DMXL2: variants seen among roughly 807,000 people sequenced by gnomAD.
DMXL2 encodes the protein dmX-like protein 2.
A neutral mutation model predicts 331.1 loss-of-function variants in DMXL2; 103 were observed. The observed-to-expected ratio is 0.31, with a 90% CI of 0.27 to 0.37. The LOEUF (loss-of-function observed/expected upper bound fraction) is 0.37. Among genes scored for constraint, DMXL2 ranks in the 10% least tolerant of loss-of-function variants. The pLI, the probability that DMXL2 is intolerant of heterozygous loss-of-function variation, is 1.00. For synonymous variants in DMXL2, 1,281 were observed against 1,252.1 expected (o/e 1.02, Z -0.49); for missense variants, 3,171 against 3,642.9 (o/e 0.87, Z 3.33).
chr15:51,450,006 C>A (rs545046811), intron 43 of DMXL2, 123 bp downstream of exon 43: 2 of 818,012 alleles, frequency 2.4e-6, no homozygotes, highest in South Asian at 3.5e-5. Flanking sequence ...TTGAGATATG[C>A]AGTATCTCCA....
rs1450076244 is a variant in DMXL2, at chr15:51,576,220, G to C, written c.88-39C>G. 8 of 1,159,756 alleles carry C rather than the reference G, an allele frequency of 6.9e-6. No individual in the cohort carries two copies. The East Asian group carries it at 2.8e-4, about 41-fold the overall frequency. 71.8% of individuals were successfully genotyped at this position (1,159,756 alleles called of 1,614,324 possible). On this transcript the variant is annotated intron_variant, in intron 1 of 43. Transcript: ENST00000560891. ...AAAAAAAAAGTTTTACAATACATAA[G>C]ATATGTAACTTTTGAAATCTTATTA...
At chr15:51,521,877 A>G (rs1006833420) in intron 13 of DMXL2, among the ~76,000 whole-genome samples, 4 of 152,232 alleles carry the variant, frequency 2.6e-5, no homozygotes, top group Non-Finnish European at 5.9e-5. Flanking sequence ...CTCAATAAAA[A>G]TTAAAGATTG....
At chr15:51,565,351 A>G (rs2050202867) in intron 3 of DMXL2, among the ~76,000 whole-genome samples, 185 bp from the exon 4 acceptor site, 1 of 152,134 alleles carries the variant, frequency 6.6e-6, no homozygotes, top group Non-Finnish European at 1.5e-5. Context: ...TTCCACTACT[A>G]TTTATTATAC....
In DMXL2 at chr15:51,491,271, T is replaced by C. The variant is rs558993813; in HGVS notation, c.4953+307A>G. Reference sequence around the variant, plus strand: ...TCCTGGCCAACATGGTGAAACCCTGTCTCTACTAAAAATACAAAAATTAGC... The same window carrying C: ...TCCTGGCCAACATGGTGAAACCCTGCCTCTACTAAAAATACAAAAATTAGC... On this transcript the variant is annotated intron_variant, in intron 20 of 43. Coordinates refer to ENST00000560891, the MANE Select transcript of DMXL2 (RefSeq NM_001378457.1). Among the ~76,000 whole-genome samples the C allele has an allele frequency of 2.6e-3, 398 of 152,256 alleles. 1 individual carries two copies. The highest frequency in any genetic ancestry group is 9.4e-3 in the African/African-American group (390 of 41,556).
intron 13 of DMXL2, among the ~76,000 whole-genome samples, chr15:51,526,138 G>T (rs1278749275): frequency 1.2e-4 from 16 of 135,624 alleles, no homozygotes; most frequent in Non-Finnish European, 1.7e-4. Flanking sequence ...AGGAGAGAGA[G>T]GGAGAGAGAG....
intron 7 of DMXL2, 117 bp from the exon 8 acceptor site, chr15:51,545,883 GAATC>G (rs1181760403): frequency 3.9e-6 from 3 of 765,538 alleles, no homozygotes; most frequent in African/African-American, 1.8e-5. Context: ...TGGAAAAAAG[GAATC>G]AATCAAAGAG....
chr15:51,606,892 C>A (rs1385252889), intron 1 of DMXL2, among the ~76,000 whole-genome samples: 2 of 152,226 alleles, frequency 1.3e-5, no homozygotes, highest in African/African-American at 4.8e-5. Flanking sequence ...GGCAAGGTGG[C>A]TCAGGCCTGT....
chr15:51,546,299 T>C (rs2048886228), intron 7 of DMXL2, among the ~76,000 whole-genome samples: 1 of 152,114 alleles, frequency 6.6e-6, no homozygotes, highest in African/African-American at 2.4e-5. Context: ...ACTTACCTGT[T>C]TGTTACAAAG....
intron 2 of DMXL2, 109 bp downstream of exon 2, chr15:51,575,947 A>T (rs1417021280): frequency 1.8e-6 from 2 of 1,125,608 alleles, no homozygotes; most frequent in Non-Finnish European, 2.6e-6. Flanking sequence ...TAATCACCCA[A>T]GCAATACATA....
chr15:51,533,719 A>G (rs978688976), intron 13 of DMXL2, among the ~76,000 whole-genome samples: 3 of 152,206 alleles, frequency 2.0e-5, no homozygotes, highest in African/African-American at 7.2e-5. Flanking sequence ...TTATTTCAGC[A>G]AAGTATATGG....
At chr15:51,541,214 A>T (rs552242042) in intron 9 of DMXL2, among the ~76,000 whole-genome samples, 28 of 152,298 alleles carry the variant, frequency 1.8e-4, no homozygotes, top group African/African-American at 6.7e-4. Flanking sequence ...AGCACTGCCC[A>T]ACAGAAATAT....
At chr15:51,596,338 C>G (rs937183493) in intron 1 of DMXL2, among the ~76,000 whole-genome samples, 25 of 152,194 alleles carry the variant, frequency 1.6e-4, no homozygotes, top group African/African-American at 5.8e-4. Context: ...CATCACTGGT[C>G]ATCAGAGAAA....
At chr15:51,494,976 C>T in intron 19 of DMXL2, 48 bp downstream of exon 19, 1 of 1,378,024 alleles carries the variant, frequency 7.3e-7, no homozygotes. Flanking sequence ...CCCATCGCTC[C>T]AATATTAAGT....
chr15:51,532,222 T>A (rs1049945276), intron 13 of DMXL2, among the ~76,000 whole-genome samples: 5 of 152,080 alleles, frequency 3.3e-5, no homozygotes, highest in African/African-American at 1.2e-4. Flanking sequence ...ATTCCGTCAT[T>A]TTGCAGCAAC....
chr15:51,607,151 C>T (rs1463833354), intron 1 of DMXL2, among the ~76,000 whole-genome samples: 1 of 144,730 alleles, frequency 6.9e-6, no homozygotes, highest in Non-Finnish European at 1.5e-5. Context: ...CAGAGTGAGA[C>T]TCTGCCCCCA....
chr15:51,603,027 T>A (rs1487013659), intron 1 of DMXL2, among the ~76,000 whole-genome samples: 1 of 152,084 alleles, frequency 6.6e-6, no homozygotes, highest in Non-Finnish European at 1.5e-5. Flanking sequence ...TTTAAAGAAG[T>A]GTGGGCACTC....
chr15:51,501,255 A>G (rs58765313), intron 17 of DMXL2, among the ~76,000 whole-genome samples: 1,761 of 152,318 alleles, frequency 0.012, 27 homozygotes, highest in East Asian at 0.025. Flanking sequence ...ATCATTCACC[A>G]GTAATTTTAG....
intron 16 of DMXL2, among the ~76,000 whole-genome samples, chr15:51,503,478 T>C (rs779114757): frequency 2.1e-4 from 32 of 152,082 alleles, no homozygotes; most frequent in Non-Finnish European, 4.0e-4. Context: ...GGCACAGAAA[T>C]ACAAATATCA....
chr15:51,482,008 G>A (rs2042050166), intron 23 of DMXL2, among the ~76,000 whole-genome samples: 1 of 152,106 alleles, frequency 6.6e-6, no homozygotes, highest in African/African-American at 2.4e-5. Flanking sequence ...TCCTTAAAAG[G>A]GGAGAGCAAA....
Sources: gnomAD v4.1 joint callset for allele counts (sites outside exome capture counted in the v4.1 genomes callset) on GRCh38, gnomAD v4.1.1 for gene constraint, MANE v1.5 for transcripts, NCBI Gene and HGNC (gene_info 2026-07-23, HGNC 2026-07-21) for gene names.